THSD7A: variants seen among roughly 807,000 people sequenced by gnomAD.
THSD7A encodes thrombospondin type-1 domain-containing protein 7A.
In THSD7A, 96 loss-of-function variants were observed where a neutral mutation model predicts 231.3. The observed-to-expected ratio is 0.41, with a 90% confidence interval of 0.35 to 0.49. The LOEUF is 0.49. Ranked by LOEUF, THSD7A falls within the 20% of genes least tolerant of loss-of-function variation. THSD7A has a pLI of 0.05. For missense variants in THSD7A, 2,290 were observed against 2,070.2 expected, an observed-to-expected ratio of 1.11 and a Z score of -2.06; for synonymous variants, 940 against 743.3, an observed-to-expected ratio of 1.26 and a Z score of -4.30.
intron 1 of THSD7A, among the ~76,000 whole-genome samples, chr7:11,813,032 C>T (rs768291787): frequency 3.9e-5 from 6 of 152,130 alleles, no homozygotes; most frequent in Non-Finnish European, 7.4e-5. Flanking sequence ...TTATTCCATC[C>T]ACTAAGCTGT....
At chr7:11,562,866 T>C (rs1014840139) in intron 4 of THSD7A, among the ~76,000 whole-genome samples, 4 of 152,336 alleles carry the variant, frequency 2.6e-5, no homozygotes, top group African/African-American at 9.6e-5. Context: ...TGTTTTGTTT[T>C]TACTGTTTTG....
intron 4 of THSD7A, among the ~76,000 whole-genome samples, chr7:11,565,676 T>C (rs1790280205): frequency 6.6e-6 from 1 of 152,226 alleles, no homozygotes; most frequent in South Asian, 2.1e-4. Context: ...AAGCAATATC[T>C]GGCTCTTGGT....
chr7:11,417,638 A>G, intron 16 of THSD7A, 35 bp from the exon 17 acceptor site: 3 of 1,583,100 alleles, frequency 1.9e-6, no homozygotes, highest in Non-Finnish European at 2.6e-6. Context: ...TAGAAAATAT[A>G]CATACATTCT....
chr7:11,774,153 C>A (rs1289037067), intron 1 of THSD7A, among the ~76,000 whole-genome samples: 1 of 152,066 alleles, frequency 6.6e-6, no homozygotes, highest in Non-Finnish European at 1.5e-5. Flanking sequence ...ATTATTCAGC[C>A]TTAAGAAAAT....
At chr7:11,749,355 C>T (rs1412487115) in intron 1 of THSD7A, among the ~76,000 whole-genome samples, 2 of 152,044 alleles carry the variant, frequency 1.3e-5, no homozygotes, top group East Asian at 3.9e-4. Context: ...ATATCTCCCC[C>T]TTAATTCTTA....
At chr7:11,743,714 T>C (rs1271293406) in intron 1 of THSD7A, among the ~76,000 whole-genome samples, 1 of 151,812 alleles carries the variant, frequency 6.6e-6, no homozygotes, top group Non-Finnish European at 1.5e-5. Flanking sequence ...TGTTAGTAAA[T>C]AGAGGTCTGT....
At chr7:11,395,383 A>G (rs1009243222) in intron 23 of THSD7A, among the ~76,000 whole-genome samples, 2 of 152,172 alleles carry the variant, frequency 1.3e-5, no homozygotes, top group African/African-American at 4.8e-5. Flanking sequence ...GGAGACTTTA[A>G]CACCCCATTG....
At chr7:11,612,791 T>C (rs374689511) in intron 2 of THSD7A, among the ~76,000 whole-genome samples, 1 of 152,334 alleles carries the variant, frequency 6.6e-6, no homozygotes. Flanking sequence ...TTTTTAAAAC[T>C]GGAAGGATGA....
chr7:11,564,302 A>T (rs770735066), intron 4 of THSD7A, among the ~76,000 whole-genome samples: 52 of 152,202 alleles, frequency 3.4e-4, no homozygotes, highest in Non-Finnish European at 6.8e-4. Flanking sequence ...CGTGGACACT[A>T]ACAGTGTTGT....
chr7:11,592,153 A>C (rs1185442630), intron 3 of THSD7A, among the ~76,000 whole-genome samples: 2 of 152,196 alleles, frequency 1.3e-5, no homozygotes, highest in African/African-American at 4.8e-5. Context: ...GGATAGGCAG[A>C]GACATTGGGG....
At chr7:11,552,039 A>G (rs1789650048) in intron 4 of THSD7A, among the ~76,000 whole-genome samples, 1 of 152,154 alleles carries the variant, frequency 6.6e-6, no homozygotes, top group Non-Finnish European at 1.5e-5. Flanking sequence ...CCTGGAGGCC[A>G]TTATCCTTAT....
chr7:11,547,204 T>A (rs1388836083), intron 4 of THSD7A, among the ~76,000 whole-genome samples: 1 of 152,038 alleles, frequency 6.6e-6, no homozygotes, highest in Non-Finnish European at 1.5e-5. Context: ...AAAAACACAC[T>A]TAAGTACACA....
rs959877403 is a variant in THSD7A at position 11,590,164 on chromosome 7, C to T, written c.1453+296G>A. ...ATGTGTATATTTACAGATAAATTTT[C>T]GTCTAGTTTTTACATTATTCCTGCT... is the stretch of plus-strand genomic sequence containing the variant. On this transcript the variant is annotated intron_variant, in intron 4 of 27. Coordinates refer to ENST00000423059, the MANE Select transcript of THSD7A (RefSeq NM_015204.3). This position sits in a 1 kb window ranked among gnomAD's most constrained non-coding sequence, Gnocchi z 4.4. Among the ~76,000 whole-genome samples the T allele has an allele frequency of 3.9e-5, 6 of 152,154 alleles. No individual in the cohort carries two copies. Among genetic ancestry groups the T allele is most frequent in the Non-Finnish European group, 5.9e-5 (4 of 67,986 alleles).
chr7:11,459,376 G>A (rs1211481331), intron 11 of THSD7A, among the ~76,000 whole-genome samples: 1 of 152,004 alleles, frequency 6.6e-6, no homozygotes, highest in African/African-American at 2.4e-5. Context: ...CCTGATTCAA[G>A]AAGGAGTTAG....
intron 1 of THSD7A, among the ~76,000 whole-genome samples, chr7:11,678,621 C>T (rs1033504355): frequency 3.9e-5 from 6 of 152,146 alleles, no homozygotes; most frequent in African/African-American, 1.2e-4. Context: ...TTCTTAGACA[C>T]ATACACCCTC....
chr7:11,440,904 G>A (rs775199305), intron 13 of THSD7A, among the ~76,000 whole-genome samples: 4 of 152,056 alleles, frequency 2.6e-5, no homozygotes, highest in Non-Finnish European at 5.9e-5. Flanking sequence ...AAGTTCCACA[G>A]TGGGTAAAAT....
intron 13 of THSD7A, among the ~76,000 whole-genome samples, chr7:11,443,273 AAC>A (rs1390637074): frequency 6.6e-6 from 1 of 152,100 alleles, no homozygotes; most frequent in Non-Finnish European, 1.5e-5. Flanking sequence ...TTCCAAAATA[AAC>A]ACATCTTTTA....
chr7:11,646,413 C>A (rs893574511), intron 1 of THSD7A, among the ~76,000 whole-genome samples: 4 of 151,948 alleles, frequency 2.6e-5, no homozygotes, highest in Admixed American at 2.0e-4. Flanking sequence ...GAAGACATGA[C>A]AAGTCTTCAG....
chr7:11,672,341 T>C (rs982685641), intron 1 of THSD7A, among the ~76,000 whole-genome samples: 2 of 142,580 alleles, frequency 1.4e-5, no homozygotes, highest in Admixed American at 7.1e-5. Flanking sequence ...GTTTGTATAA[T>C]TGCTGCTATT....
Sources: gnomAD v4.1 joint callset for allele counts (sites outside exome capture counted in the v4.1 genomes callset) on GRCh38, gnomAD v4.1.1 for gene constraint, Gnocchi (gnomAD v3.1) non-coding constraint, MANE v1.5 for transcripts, NCBI Gene and HGNC (gene_info 2026-07-23, HGNC 2026-07-21) for gene names.